HTT-AS: variants seen among roughly 807,000 people sequenced by gnomAD.
HTT-AS encodes HTT antisense RNA (head to head).
At chr4:3,049,937 C>T (rs1226540162) in intron 2 of HTT-AS, among the ~76,000 whole-genome samples, 1 of 145,314 alleles carries the variant, frequency 6.9e-6, no homozygotes, top group Non-Finnish European at 1.5e-5. Flanking sequence ...CACACACACA[C>T]ACACACACAC....
chr4:3,058,918 C>G lies in HTT-AS; in HGVS notation n.1380+3516G>C, dbSNP rs574931884. 2.6e-5 allele frequency among the ~76,000 whole-genome samples: 4 copies of G among 152,148 alleles called. No homozygotes were observed. In the South Asian group the frequency reaches 8.3e-4, roughly 32 times the overall value. On this transcript the variant is annotated intron_variant and non_coding_transcript_variant, in intron 2 of 2. Coordinates refer to ENST00000664062, the Ensembl canonical transcript of HTT-AS. The stretch of plus-strand genomic sequence containing the variant: ...TGTTTTTAGTAGAGATGGGGTTTCC[C>G]CATGTTGCCCAGGCTGATCTCAAAC...
chr4:3,073,287 A>T (rs1161108272), intron 1 of HTT-AS, among the ~76,000 whole-genome samples: 1 of 152,172 alleles, frequency 6.6e-6, no homozygotes, highest in Non-Finnish European at 1.5e-5. Context: ...GTTGTCTCTG[A>T]GGCCAACCTT....
chr4:3,049,976 A>T (rs555754589), intron 2 of HTT-AS, among the ~76,000 whole-genome samples: 1 of 146,862 alleles, frequency 6.8e-6, no homozygotes, highest in East Asian at 2.0e-4. Flanking sequence ...TTGAGATGGA[A>T]TCTCTGTCAC....
At chr4:3,057,241 G>A (rs899165850) in intron 2 of HTT-AS, among the ~76,000 whole-genome samples, 5 of 152,044 alleles carry the variant, frequency 3.3e-5, no homozygotes, top group Non-Finnish European at 7.4e-5. Context: ...CACCGTGTTG[G>A]CCAGGATGGT....
intron 2 of HTT-AS, among the ~76,000 whole-genome samples, chr4:3,061,923 A>G (rs1711933220): frequency 6.9e-6 from 1 of 145,782 alleles, no homozygotes; most frequent in African/African-American, 2.5e-5. Context: ...CGGAGCTTGC[A>G]GTGAGCCGAG....
chr4:3,064,445 C>A (rs567404567), intron 1 of HTT-AS, among the ~76,000 whole-genome samples: 3 of 152,142 alleles, frequency 2.0e-5, no homozygotes, highest in East Asian at 3.9e-4. Context: ...AAATAAAAAT[C>A]TAACCTAATT....
chr4:3,058,324 C>G (rs1418313753), intron 2 of HTT-AS, among the ~76,000 whole-genome samples: 1 of 150,292 alleles, frequency 6.7e-6, no homozygotes, highest in East Asian at 2.0e-4. Flanking sequence ...GAAACTCTGT[C>G]TCAAAAGAAA....
intron 1 of HTT-AS, among the ~76,000 whole-genome samples, chr4:3,073,843 C>T (rs1306193787): frequency 6.6e-6 from 1 of 152,240 alleles, no homozygotes; most frequent in Non-Finnish European, 1.5e-5. Flanking sequence ...TGGCTCCCCG[C>T]AGGGCTGTCC....
chr4:3,046,847 A>G (rs536561103), downstream of HTT-AS, among the ~76,000 whole-genome samples: 4 of 152,338 alleles, frequency 2.6e-5, no homozygotes, highest in East Asian at 7.7e-4. Context: ...GACATAGTGC[A>G]TGAGCTCAGT....
At chr4:3,059,926 T>TTG (rs1711894632) in intron 2 of HTT-AS, among the ~76,000 whole-genome samples, 1 of 150,312 alleles carries the variant, frequency 6.7e-6, no homozygotes, top group Non-Finnish European at 1.5e-5. Flanking sequence ...TGTTTTTTGT[T>TTG]TTTTTTTTTG....
At chr4:3,062,046 A>C (rs1213335456) in intron 2 of HTT-AS, among the ~76,000 whole-genome samples, 1 of 150,768 alleles carries the variant, frequency 6.6e-6, no homozygotes, top group African/African-American at 2.4e-5. Context: ...CTCAGTGAGC[A>C]GAAGGATGAC....
chr4:3,051,426 A>G (rs2110120155), intron 2 of HTT-AS, among the ~76,000 whole-genome samples: 1 of 152,174 alleles, frequency 6.6e-6, no homozygotes. Context: ...TGCTGCTCAA[A>G]TTTAAAAGTT....
At chr4:3,052,909 T>C (rs1711733786) in intron 2 of HTT-AS, among the ~76,000 whole-genome samples, 1 of 152,018 alleles carries the variant, frequency 6.6e-6, no homozygotes, top group South Asian at 2.1e-4. Flanking sequence ...GGCAGAAGAA[T>C]CGCTTTAACC....
chr4:3,074,505 C>A, exon 1 of HTT-AS: 1 of 264,206 alleles, frequency 3.8e-6, no homozygotes, highest in Non-Finnish European at 6.9e-6. Flanking sequence ...GCGCTGTCAG[C>A]GGCCTTGCTG....
chr4:3,061,391 C>A (rs146011063), intron 2 of HTT-AS, among the ~76,000 whole-genome samples: 1 of 152,158 alleles, frequency 6.6e-6, no homozygotes, highest in African/African-American at 2.4e-5. Flanking sequence ...TCAGAATATG[C>A]GTCTATTGAC....
At position 3,051,355 on chromosome 4, in the gene HTT-AS, G is replaced by A. The variant is rs535134197; in HGVS notation, n.1381-1657C>T. Among the ~76,000 whole-genome samples, 62 of 152,162 alleles carry A rather than the reference G, an allele frequency of 4.1e-4. No homozygotes were observed. The South Asian group carries it at 6.0e-3, about 15-fold the overall frequency. Reference sequence around the variant, plus strand: ...GCTGGGATTATAGGTGTGAGCCACCGCGCCTGGCCTTTTGCCAGTTTGATA... The same window carrying A: ...GCTGGGATTATAGGTGTGAGCCACCACGCCTGGCCTTTTGCCAGTTTGATA... On this transcript the variant is annotated intron_variant and non_coding_transcript_variant, in intron 2 of 2. Transcript: ENST00000664062.
intron 1 of HTT-AS, among the ~76,000 whole-genome samples, chr4:3,074,203 A>C: frequency 9.2e-6 from 1 of 109,270 alleles, no homozygotes; most frequent in Non-Finnish European, 1.9e-5. Flanking sequence ...CGGCCTGCCT[A>C]ATGTCCCCGT....
At chr4:3,074,604 GGCCGGCGTGGCCCCGCCTCC>G (rs1189711228), upstream of HTT-AS, 252 of 394,954 alleles carry the variant, frequency 6.4e-4, 9 homozygotes, top group East Asian at 3.8e-3. Flanking sequence ...CAATCATGCT[GGCCGGCGTGGCCCCGCCTCC>G]GCCGGCGCGG....
intron 2 of HTT-AS, among the ~76,000 whole-genome samples, chr4:3,058,274 C>T (rs949259377): frequency 2.0e-5 from 3 of 151,406 alleles, no homozygotes; most frequent in East Asian, 2.0e-4. Context: ...TGTGGTGAGC[C>T]GAGATTGCGC....
Sources: allele counts gnomAD v4.1 joint callset (sites outside exome capture counted in the v4.1 genomes callset), GRCh38; gene constraint gnomAD v4.1.1; transcripts MANE v1.5; gene names NCBI Gene and HGNC (gene_info 2026-07-23, HGNC 2026-07-21).